Variants in ZC3H3 observed in about 807,000 individuals in gnomAD.
ZC3H3 encodes the protein zinc finger CCCH domain-containing protein 3.
In ZC3H3, 36 loss-of-function variants were observed where a neutral mutation model predicts 77.3. The ratio of observed to expected loss-of-function variants is 0.47; its 90% CI spans 0.36 to 0.61. ZC3H3 has a LOEUF of 0.61. Among genes scored for constraint, ZC3H3 ranks in the 20% least tolerant of loss-of-function variants. The probability of loss-of-function intolerance (pLI) is 0.00; values close to 1 mark genes in which losing one functional copy is unlikely to be tolerated. For missense variants in ZC3H3, 1,331 were observed against 1,312.2 expected (o/e 1.01, Z -0.22); for synonymous variants, 626 against 555.2 (o/e 1.13, Z -1.79).
At position 143,438,117 on chromosome 8, in the gene ZC3H3, C is replaced by T. The variant is rs200072279; in HGVS notation, c.2816-30G>A. 84 of 1,599,192 alleles carry T rather than the reference C, an allele frequency of 5.3e-5. No individual in the cohort carries two copies. The Middle Eastern group carries it at 6.6e-4, about 13-fold the overall frequency. ...GCAAAGAGGGCAAAAGTTAGGTGCC[C>T]GGAAACCCCTGGAAGAACCTCCCCA... is the stretch of plus-strand genomic sequence containing the variant. On this transcript the variant is annotated intron_variant, in intron 11 of 11. Transcript: ENST00000262577.
chr8:143,454,225 G>A (rs1439362826), intron 9 of ZC3H3, among the ~76,000 whole-genome samples: 2 of 151,126 alleles, frequency 1.3e-5, no homozygotes, highest in Non-Finnish European at 2.9e-5. Flanking sequence ...GGGATTACAG[G>A]TGCCTACCAC....
Position 143,440,077 on chromosome 8 carries a change from CCCTGGGCTGGGCT to C in ZC3H3, c.2766_2778del (p.Ala923SerfsTer150), listed in dbSNP as rs1819694904. 6.3e-7 allele frequency: 1 copy of C among 1,591,976 alleles called. No individual in the cohort carries two copies. The highest frequency in any genetic ancestry group is 8.5e-7 in the Non-Finnish European group (1 of 1,170,974). ...GTGAGGGGGGCCCTAGGGGCCCGGA[CCCTGGGCTGGGCT>C]CCTGGGCTCGGCGAGGACTGCAGGG... On this transcript the variant is annotated frameshift_variant, in exon 11 of 12. Transcript: ENST00000262577. LOFTEE classifies it high-confidence loss of function.
intron 4 of ZC3H3, among the ~76,000 whole-genome samples, chr8:143,481,759 C>T (rs1820914744): frequency 6.6e-6 from 1 of 152,248 alleles, no homozygotes; most frequent in South Asian, 2.1e-4. Flanking sequence ...CTAGCTGGCC[C>T]TCCTGCTCCC....
chr8:143,532,863 C>A (rs1453274688), intron 3 of ZC3H3, among the ~76,000 whole-genome samples: 1 of 152,196 alleles, frequency 6.6e-6, no homozygotes, highest in Non-Finnish European at 1.5e-5. Context: ...TCCCCTGCGG[C>A]CAGCTTGGAG....
At chr8:143,446,654 A>G (rs1819868745) in intron 9 of ZC3H3, among the ~76,000 whole-genome samples, 1 of 152,236 alleles carries the variant, frequency 6.6e-6, no homozygotes, top group African/African-American at 2.4e-5. Flanking sequence ...AATCCTTCTA[A>G]TGGTCAAAAA....
intron 3 of ZC3H3, among the ~76,000 whole-genome samples, chr8:143,518,446 G>A (rs1822131652): frequency 6.6e-6 from 1 of 152,240 alleles, no homozygotes; most frequent in Non-Finnish European, 1.5e-5. Context: ...TTTGGAGAGA[G>A]TCCTGGCAAC....
chr8:143,516,968 C>T (rs576479168), intron 3 of ZC3H3, among the ~76,000 whole-genome samples: 9 of 152,232 alleles, frequency 5.9e-5, no homozygotes, highest in Non-Finnish European at 1.3e-4. Context: ...CCTGTCCCCC[C>T]CGTGTGGGAT....
Position 143,538,159 on chromosome 8 carries a change from T to C in ZC3H3, c.1208A>G (p.His403Arg). 6.2e-7 allele frequency: 1 copy of C among 1,613,044 alleles called. No individual in the cohort carries two copies. The highest frequency in any genetic ancestry group is 8.5e-7 in the Non-Finnish European group (1 of 1,180,010). The change falls in exon 2 of 12, where the codon CAT becomes CGT. Residue 403 changes from histidine to arginine, a missense_variant. Physicochemically the swap from His to Arg is conservative, Grantham distance 29. Transcript: ENST00000262577. ...CAGGACTGGGGAGAGCTGGGAGGCA[T>C]GGTCCTTGCTGCTGGCCTCCGACTG... ...RWQSEASSKD[H>R]ASQLSPVLSR... is the part of the protein sequence containing the mutation.
At position 143,539,059 on chromosome 8, in the gene ZC3H3, G is replaced by C; in HGVS notation, c.308C>G (p.Pro103Arg). The C allele has an allele frequency of 6.2e-7, 1 of 1,613,028 alleles. No individual in the cohort carries two copies. The highest frequency in any genetic ancestry group is 8.5e-7 in the Non-Finnish European group (1 of 1,180,024). Reference protein sequence around the residue: ...RPLHGARGGQPPVPQQHVLER... With the variant: ...RPLHGARGGQRPVPQQHVLER... ...AAGGACATGCTGCTGCGGGACAGGA[G>C]GCTGGCCCCCCCGGGCCCCGTGCAA... The change falls in exon 2 of 12, where the codon CCT (proline) becomes CGT (arginine). Residue 103 changes from proline to arginine, a missense_variant. Transcript: ENST00000262577.
intron 4 of ZC3H3, among the ~76,000 whole-genome samples, chr8:143,482,897 A>C (rs1222622416): frequency 1.3e-5 from 2 of 152,226 alleles, no homozygotes; most frequent in Non-Finnish European, 2.9e-5. Flanking sequence ...GCAGGACCAC[A>C]GGAGCAGGTA....
intron 4 of ZC3H3, among the ~76,000 whole-genome samples, chr8:143,491,499 C>T (rs2129967892): frequency 6.6e-6 from 1 of 152,368 alleles, no homozygotes; most frequent in South Asian, 2.1e-4. Context: ...CCACAGGAGC[C>T]AGCCCAAAAG....
At chr8:143,444,960 G>A (rs2129798256) in intron 9 of ZC3H3, among the ~76,000 whole-genome samples, 1 of 152,232 alleles carries the variant, frequency 6.6e-6, no homozygotes. Context: ...TACTAATATA[G>A]TTCAGCAAAG....
intron 3 of ZC3H3, among the ~76,000 whole-genome samples, chr8:143,523,888 T>C (rs992507403): frequency 7.2e-5 from 11 of 152,276 alleles, no homozygotes; most frequent in Admixed American, 3.9e-4. Context: ...TGGCATGGGC[T>C]GGGGGCGGGT....
In ZC3H3 at chr8:143,457,267, T is replaced by C. The variant is rs76431068; in HGVS notation, c.2307+8450A>G. On this transcript the variant is annotated intron_variant, in intron 9 of 11. Coordinates refer to ENST00000262577, the MANE Select transcript of ZC3H3 (RefSeq NM_015117.3). ...CAATACAGATCGAACTAGAAATCAA[T>C]GAAAGAAAGGTAACAGGAAAATCTC... 2.4e-3 allele frequency among the ~76,000 whole-genome samples: 358 copies of C among 152,142 alleles called. 2 individuals carry two copies. Among genetic ancestry groups the C allele is most frequent in the African/African-American group, 8.1e-3 (337 of 41,500 alleles).
At chr8:143,461,920 A>G (rs1265398343) in intron 9 of ZC3H3, among the ~76,000 whole-genome samples, 1 of 151,614 alleles carries the variant, frequency 6.6e-6, no homozygotes, top group East Asian at 1.9e-4. Flanking sequence ...CCACAGAACC[A>G]TACACCTAGA....
At chr8:143,478,578 C>T (rs148974059) in intron 4 of ZC3H3, among the ~76,000 whole-genome samples, 132 of 152,332 alleles carry the variant, frequency 8.7e-4, no homozygotes, top group African/African-American at 2.8e-3. Context: ...GGTGCGATCT[C>T]GGCTCACTGC....
At chr8:143,475,613 C>T in intron 4 of ZC3H3, 28 bp from the exon 5 acceptor site, 1 of 1,553,384 alleles carries the variant, frequency 6.4e-7, no homozygotes, top group Non-Finnish European at 8.7e-7. Flanking sequence ...GCCCGTCAAA[C>T]CTGGCCCCAG....
At chr8:143,440,712 T>A (rs1456361802) in intron 10 of ZC3H3, among the ~76,000 whole-genome samples, 1 of 152,310 alleles carries the variant, frequency 6.6e-6, no homozygotes, top group South Asian at 2.1e-4. Flanking sequence ...AGGCCCCACC[T>A]TCCTCCATTG....
chr8:143,477,292 T>C, intron 4 of ZC3H3, among the ~76,000 whole-genome samples: 1 of 152,188 alleles, frequency 6.6e-6, no homozygotes, highest in Non-Finnish European at 1.5e-5. Context: ...AAAATTCAAG[T>C]TCACAAACAC....
Sources: allele counts gnomAD v4.1 joint callset (sites outside exome capture counted in the v4.1 genomes callset), GRCh38; gene constraint gnomAD v4.1.1; transcripts MANE v1.5; gene names NCBI Gene and HGNC (gene_info 2026-07-23, HGNC 2026-07-21).